DMRT1: variants seen among roughly 807,000 people sequenced by gnomAD.
DMRT1 encodes the protein doublesex and mab-3 related transcription factor 1, also known as doublesex- and mab-3-related transcription factor 1.
A neutral mutation model predicts 32.3 loss-of-function variants in DMRT1; 7 were observed. That is an observed-to-expected ratio of 0.22 (90% CI 0.12 to 0.41). The LOEUF is 0.41. DMRT1 is among the 10% of genes least tolerant of loss of function. The pLI, the probability that DMRT1 is intolerant of heterozygous loss-of-function variation, is 1.00. For synonymous variants in DMRT1, 278 were observed against 206.1 expected, an observed-to-expected ratio of 1.35 and a Z score of -2.99; for missense variants, 625 against 500.5, an observed-to-expected ratio of 1.25 and a Z score of -2.37.
In DMRT1 at chr9:957,977, C is replaced by T. The variant is rs139470972; in HGVS notation, c.968-10008C>T. Among the ~76,000 whole-genome samples, 17 of 152,116 alleles carry T rather than the reference C, an allele frequency of 1.1e-4. No homozygotes were observed. The East Asian group carries it at 3.1e-3, about 28-fold the overall frequency. On this transcript the variant is annotated intron_variant, in intron 4 of 4. Coordinates refer to ENST00000382276, the MANE Select transcript of DMRT1 (RefSeq NM_021951.3). The stretch of plus-strand genomic sequence containing the variant: ...CGATTGGAGATTGTGCCACTGCATT[C>T]CAGCTTGGGGGATAGAGCGAGACTC...
At chr9:905,022 G>A (rs573492468) in intron 3 of DMRT1, among the ~76,000 whole-genome samples, 12 of 152,204 alleles carry the variant, frequency 7.9e-5, no homozygotes, top group Non-Finnish European at 1.2e-4. Context: ...ATGCCTTGTG[G>A]AAAGATGAGC....
chr9:858,607 C>A (rs1815504898), intron 2 of DMRT1, among the ~76,000 whole-genome samples: 1 of 152,106 alleles, frequency 6.6e-6, no homozygotes, highest in Non-Finnish European at 1.5e-5. Flanking sequence ...GGCGCAGTGG[C>A]TCACGCCTGT....
At chr9:950,913 A>G (rs1564272425) in intron 4 of DMRT1, among the ~76,000 whole-genome samples, 1 of 152,228 alleles carries the variant, frequency 6.6e-6, no homozygotes, top group South Asian at 2.1e-4. Flanking sequence ...AGTTGTTTTG[A>G]TATAGAAAAT....
At chr9:939,811 C>T (rs1015878317) in intron 4 of DMRT1, among the ~76,000 whole-genome samples, 4 of 152,140 alleles carry the variant, frequency 2.6e-5, no homozygotes, top group African/African-American at 9.7e-5. Flanking sequence ...CCTCTCCCTC[C>T]TCTGTATGTT....
chr9:877,019 G>C lies in DMRT1; in HGVS notation c.539-16893G>C, dbSNP rs181309886. Among the ~76,000 whole-genome samples the C allele has an allele frequency of 3.2e-4, 49 of 152,250 alleles. 1 individual carries two copies. The highest frequency in any genetic ancestry group is 2.7e-3 in the Admixed American group (42 of 15,276). On this transcript the variant is annotated intron_variant, in intron 2 of 4. Transcript: ENST00000382276. ...GCCATGGTCCCACTTCCAGTTACATGTGTGTCCTCAGACTTGCCACTTGAA... is the reference window on the plus strand; with the variant it reads ...GCCATGGTCCCACTTCCAGTTACATCTGTGTCCTCAGACTTGCCACTTGAA...
intron 4 of DMRT1, among the ~76,000 whole-genome samples, chr9:942,506 C>G (rs1189245457): frequency 6.6e-6 from 1 of 152,184 alleles, no homozygotes; most frequent in Non-Finnish European, 1.5e-5. Flanking sequence ...CTCCTGAGCT[C>G]AAGTGATCTG....
intron 2 of DMRT1, among the ~76,000 whole-genome samples, chr9:874,962 C>A (rs1816433173): frequency 6.6e-6 from 1 of 151,870 alleles, no homozygotes; most frequent in Non-Finnish European, 1.5e-5. Context: ...TGCCCGCCAC[C>A]ACGCCCGGCA....
chr9:856,546 A>G (rs1183240427), intron 2 of DMRT1, among the ~76,000 whole-genome samples: 3 of 152,162 alleles, frequency 2.0e-5, no homozygotes, highest in Non-Finnish European at 4.4e-5. Flanking sequence ...AAGTTTATCC[A>G]TGTTGTAGCA....
chr9:939,989 C>T (rs1013866273), intron 4 of DMRT1, among the ~76,000 whole-genome samples: 1 of 152,006 alleles, frequency 6.6e-6, no homozygotes, highest in Admixed American at 6.6e-5. Flanking sequence ...ATCAGTGAAA[C>T]GCAAATCAAA....
chr9:916,085 A>G (rs1378299779), intron 3 of DMRT1, among the ~76,000 whole-genome samples: 1 of 152,220 alleles, frequency 6.6e-6, no homozygotes, highest in South Asian at 2.1e-4. Flanking sequence ...TAACCAAGAT[A>G]AAATTCCAGT....
At chr9:851,028 C>CAAAAAA (rs869227462) in intron 2 of DMRT1, among the ~76,000 whole-genome samples, 3 of 94,774 alleles carry the variant, frequency 3.2e-5, no homozygotes, top group African/African-American at 8.7e-5. Flanking sequence ...GACTCTATCT[C>CAAAAAA]AAAAAAAAAA....
chr9:932,284 A>G (rs1260570508), intron 4 of DMRT1, among the ~76,000 whole-genome samples: 1 of 152,190 alleles, frequency 6.6e-6, no homozygotes, highest in Non-Finnish European at 1.5e-5. Context: ...TGTACTGCTA[A>G]AGTGAGAGAC....
intron 2 of DMRT1, among the ~76,000 whole-genome samples, chr9:891,157 T>C (rs1817133137): frequency 6.7e-6 from 1 of 149,934 alleles, no homozygotes; most frequent in African/African-American, 2.5e-5. Context: ...CTGGGCAACA[T>C]AGTGAGACCC....
chr9:917,123 C>G (rs1028254633), intron 4 of DMRT1, among the ~76,000 whole-genome samples: 1 of 151,926 alleles, frequency 6.6e-6, no homozygotes, highest in African/African-American at 2.4e-5. Context: ...TTCTGGATTC[C>G]TAGAGTGACA....
rs531558412 is a variant in DMRT1, at chr9:887,660, C to A, written c.539-6252C>A. On this transcript the variant is annotated intron_variant, in intron 2 of 4. Coordinates refer to ENST00000382276, the MANE Select transcript of DMRT1 (RefSeq NM_021951.3). Reference sequence around the variant, plus strand: ...CTCATGACTCTATTGGTATTATTCTCCTTTTTTTGAGTGTTTACCCACTGT... The same window carrying A: ...CTCATGACTCTATTGGTATTATTCTACTTTTTTTGAGTGTTTACCCACTGT... 6.2e-4 allele frequency among the ~76,000 whole-genome samples: 95 copies of A among 152,302 alleles called. 1 individual carries two copies. The highest frequency in any genetic ancestry group is 6.5e-4 in the Non-Finnish European group (44 of 68,032).
At chr9:892,234 C>G (rs148606759) in intron 2 of DMRT1, among the ~76,000 whole-genome samples, 25 of 152,302 alleles carry the variant, frequency 1.6e-4, no homozygotes, top group African/African-American at 4.3e-4. Flanking sequence ...ACCTCTGTGA[C>G]GTTGTATTCT....
chr9:852,945 C>G (rs1815224118), intron 2 of DMRT1, among the ~76,000 whole-genome samples: 1 of 152,130 alleles, frequency 6.6e-6, no homozygotes, highest in Non-Finnish European at 1.5e-5. Context: ...CACATTGTGT[C>G]GTATGTTTAA....
At chr9:931,823 A>G (rs576610587) in intron 4 of DMRT1, among the ~76,000 whole-genome samples, 12 of 152,324 alleles carry the variant, frequency 7.9e-5, no homozygotes, top group African/African-American at 2.6e-4. Context: ...GGACTTCAGT[A>G]GTTTTAGCAC....
intron 3 of DMRT1, among the ~76,000 whole-genome samples, chr9:900,986 C>A (rs1032606725): frequency 1.3e-5 from 2 of 148,954 alleles, no homozygotes; most frequent in Non-Finnish European, 3.0e-5. Flanking sequence ...GCTGCTGTGC[C>A]TAGCTCTACT....
Sources: allele counts gnomAD v4.1 joint callset (sites outside exome capture counted in the v4.1 genomes callset), GRCh38; gene constraint gnomAD v4.1.1; transcripts MANE v1.5; gene names NCBI Gene and HGNC (gene_info 2026-07-23, HGNC 2026-07-21).